Variants in HSH2D observed in about 807,000 individuals in gnomAD.
HSH2D encodes hematopoietic SH2 domain-containing protein.
A neutral mutation model predicts 21.5 loss-of-function variants in HSH2D; 16 were observed. The observed-to-expected ratio is 0.74, with a 90% CI of 0.50 to 1.13. The LOEUF is 1.13. Ranked by LOEUF, HSH2D falls within the 50% of genes most tolerant of loss-of-function variation. The pLI, the probability that HSH2D is intolerant of heterozygous loss-of-function variation, is 0.00. For synonymous variants in HSH2D, 172 were observed against 184.7 expected, an observed-to-expected ratio of 0.93 and a Z score of 0.56; for missense variants, 418 against 441.4, an observed-to-expected ratio of 0.95 and a Z score of 0.47.
intron 3 of HSH2D, 67 bp downstream of exon 3, chr19:16,152,708 G>C: frequency 8.4e-7 from 1 of 1,185,540 alleles, no homozygotes. Flanking sequence ...AGGGGGCAAG[G>C]GGTGCTTCAT....
Position 16,154,463 on chromosome 19 carries a change from C to G in HSH2D, c.446C>G (p.Ala149Gly), listed in dbSNP as rs1568332743. ...TACTCCAACGCAGTGGCCGAGGAAG[C>G]TGCCTGCCCGGTGTCTGCCCCTGAG... Reference protein sequence around the residue: ...FLYSNAVAEEAACPVSAPEEA... With the variant: ...FLYSNAVAEEGACPVSAPEEA... Residue 149 changes from alanine (A) to glycine (G), a missense_variant, in exon 5 of 6, where the codon GCT (alanine) becomes GGT (glycine). Coordinates refer to ENST00000613986, the MANE Select transcript of HSH2D (RefSeq NM_001382417.1). 2.6e-6 allele frequency: 4 copies of G among 1,552,714 alleles called. No individual in the cohort carries two copies. Among genetic ancestry groups the G allele is most frequent in the South Asian group, 2.4e-5 (2 of 84,110 alleles).
intron 1 of HSH2D, among the ~76,000 whole-genome samples, chr19:16,135,225 T>C (rs573422902): frequency 1.3e-5 from 2 of 152,096 alleles, no homozygotes; most frequent in South Asian, 2.1e-4. Flanking sequence ...TAAGCCGAGA[T>C]TGCGCCACTG....
intron 1 of HSH2D, among the ~76,000 whole-genome samples, chr19:16,137,987 G>A (rs1051320532): frequency 1.3e-5 from 2 of 152,154 alleles, no homozygotes; most frequent in African/African-American, 4.8e-5. Context: ...TCATGCCTCA[G>A]CCTCCCGAGT....
At chr19:16,146,633 G>A (rs1003829187) in intron 1 of HSH2D, among the ~76,000 whole-genome samples, 1 of 152,034 alleles carries the variant, frequency 6.6e-6, no homozygotes, top group Admixed American at 6.6e-5. Flanking sequence ...AGCATGAGCT[G>A]TGATTGCACC....
chr19:16,142,486 G>A (rs1449517172), upstream of HSH2D, among the ~76,000 whole-genome samples: 4 of 151,938 alleles, frequency 2.6e-5, no homozygotes, highest in Non-Finnish European at 2.9e-5. Context: ...TGTTTGAGAC[G>A]GAGTTACACT....
At chr19:16,144,686 CTTT>C (rs35070155) in intron 1 of HSH2D, among the ~76,000 whole-genome samples, 4 of 85,928 alleles carry the variant, frequency 4.7e-5, no homozygotes, top group Non-Finnish European at 8.6e-5. Flanking sequence ...ATTCTAGGCT[CTTT>C]TTTTTTTTTT....
chr19:16,136,212 A>G (rs2090963014), intron 1 of HSH2D, among the ~76,000 whole-genome samples: 1 of 152,232 alleles, frequency 6.6e-6, no homozygotes, highest in Non-Finnish European at 1.5e-5. Flanking sequence ...ACCCCCTGCC[A>G]CGGATGCCTG....
intron 2 of HSH2D, among the ~76,000 whole-genome samples, chr19:16,150,641 A>G (rs166948): frequency 0.9 from 135,268 of 150,946 alleles, 60,710 homozygotes; most frequent in East Asian, 0.96. Context: ...GGCAGAGATC[A>G]TGCCACTGCA....
At chr19:16,147,634 T>TG (rs1555717037) in intron 1 of HSH2D, among the ~76,000 whole-genome samples, 3 of 150,198 alleles carry the variant, frequency 2.0e-5, no homozygotes, top group South Asian at 2.1e-4. Context: ...AGTGGTTTTT[T>TG]TTTTGTTTTG....
At chr19:16,146,031 G>A (rs995500834) in intron 1 of HSH2D, among the ~76,000 whole-genome samples, 10 of 149,190 alleles carry the variant, frequency 6.7e-5, no homozygotes, top group African/African-American at 1.7e-4. Context: ...AGCTGAGATC[G>A]CGCCACTGCA....
In HSH2D at chr19:16,148,911, C is replaced by A. The variant is rs766453022; in HGVS notation, c.125+36C>A. 10 of 1,575,370 alleles carry A rather than the reference C, an allele frequency of 6.3e-6. No homozygotes were observed. In the South Asian group the frequency reaches 1.2e-4, roughly 18 times the overall value. On this transcript the variant is annotated intron_variant, in intron 2 of 5. Coordinates refer to ENST00000613986, the MANE Select transcript of HSH2D (RefSeq NM_001382417.1). ...ACCCACACCCTCCACCCTGCCCTCCCCACCCTGTCCTTGTCTGTCCCTACC... is the reference window on the plus strand; with the variant it reads ...ACCCACACCCTCCACCCTGCCCTCCACACCCTGTCCTTGTCTGTCCCTACC...
intron 1 of HSH2D, among the ~76,000 whole-genome samples, chr19:16,147,045 C>G (rs1009672715): frequency 6.6e-6 from 1 of 151,952 alleles, no homozygotes; most frequent in Non-Finnish European, 1.5e-5. Flanking sequence ...AGGCTGGCCT[C>G]GAACTCCTGA....
chr19:16,149,613 T>C (rs1373652654), intron 2 of HSH2D, among the ~76,000 whole-genome samples: 1 of 150,170 alleles, frequency 6.7e-6, no homozygotes, highest in Admixed American at 6.7e-5. Context: ...TGAGACAGAG[T>C]TCCGCTCCTG....
upstream of HSH2D, among the ~76,000 whole-genome samples, chr19:16,138,920 A>G (rs1472812775): frequency 2.6e-5 from 4 of 151,502 alleles, no homozygotes; most frequent in Admixed American, 1.3e-4. Context: ...GTGCAGTGGC[A>G]TGATCTCAGC....
At chr19:16,136,003 G>T (rs1189509768) in intron 1 of HSH2D, among the ~76,000 whole-genome samples, 1 of 152,084 alleles carries the variant, frequency 6.6e-6, no homozygotes, top group African/African-American at 2.4e-5. Context: ...TGCAGCCTAG[G>T]GGGCAGCTCC....
At chr19:16,143,347 G>C (rs2145020053), upstream of HSH2D, among the ~76,000 whole-genome samples, 1 of 152,312 alleles carries the variant, frequency 6.6e-6, no homozygotes, top group East Asian at 1.9e-4. Context: ...GCCTGTCAAA[G>C]TGCTGGGATT....
At chr19:16,154,324 G>C in intron 4 of HSH2D, 75 bp from the exon 5 acceptor site, 1 of 960,782 alleles carries the variant, frequency 1.0e-6, no homozygotes, top group Non-Finnish European at 1.6e-6. Context: ...TGGTCCCTGA[G>C]ACCTGCCTTC....
intron 2 of HSH2D, among the ~76,000 whole-genome samples, chr19:16,149,357 C>A (rs964390214): frequency 7.2e-5 from 11 of 152,172 alleles, no homozygotes; most frequent in African/African-American, 2.7e-4. Context: ...CACATGCCAC[C>A]AAGCCTGACT....
chr19:16,143,814 CGTG>C, intron 1 of HSH2D, 40 bp downstream of exon 1: 1 of 413,290 alleles, frequency 2.4e-6, no homozygotes, highest in Non-Finnish European at 4.9e-6. Flanking sequence ...GGAGACAGAA[CGTG>C]GGGGCTGGGC....
Sources: allele counts gnomAD v4.1 joint callset (sites outside exome capture counted in the v4.1 genomes callset), GRCh38; gene constraint gnomAD v4.1.1; transcripts MANE v1.5; gene names NCBI Gene and HGNC (gene_info 2026-07-23, HGNC 2026-07-21).